COX7B2: variants seen among roughly 807,000 people sequenced by gnomAD.
COX7B2 encodes the protein cytochrome c oxidase subunit 7B2.
For synonymous variants in COX7B2, 37 were observed against 32.1 expected (o/e 1.15, Z -0.51); for missense variants, 109 against 95.9 (o/e 1.14, Z -0.57).
intron 1 of COX7B2, among the ~76,000 whole-genome samples, chr4:46,849,701 T>C (rs980063205): frequency 6.6e-6 from 1 of 152,106 alleles, no homozygotes; most frequent in Non-Finnish European, 1.5e-5. Flanking sequence ...TTTTTTTTTA[T>C]TATACTTTAA....
chr4:46,849,735 G>A (rs927092745), intron 1 of COX7B2, among the ~76,000 whole-genome samples: 10 of 151,912 alleles, frequency 6.6e-5, no homozygotes, highest in African/African-American at 9.7e-5. Flanking sequence ...TGTGCACAAC[G>A]TGCAGGTTAG....
At chr4:46,758,287 G>C (rs375073982) in intron 2 of COX7B2, among the ~76,000 whole-genome samples, 1 of 152,040 alleles carries the variant, frequency 6.6e-6, no homozygotes, top group Non-Finnish European at 1.5e-5. Flanking sequence ...TAAACTGAGA[G>C]GTATAGAGCA....
chr4:46,796,303 TTTTTGCCCATTTATGCAGC>T (rs1718339125), intron 2 of COX7B2, among the ~76,000 whole-genome samples: 1 of 147,868 alleles, frequency 6.8e-6, no homozygotes, highest in East Asian at 2.0e-4. Flanking sequence ...ATGCTTCCAG[TTTTTGCCCATTTATGCAGC>T]CAAAAAACAC....
At chr4:46,755,150 T>A (rs1715704320) in intron 2 of COX7B2, among the ~76,000 whole-genome samples, 1 of 151,974 alleles carries the variant, frequency 6.6e-6, no homozygotes, top group Non-Finnish European at 1.5e-5. Flanking sequence ...TATCAATAAA[T>A]GCTGTACATC....
intron 2 of COX7B2, among the ~76,000 whole-genome samples, chr4:46,748,960 A>C (rs28628293): frequency 0.33 from 49,775 of 152,042 alleles, 8,413 homozygotes; most frequent in South Asian, 0.47. Context: ...ACTTCCAGAG[A>C]AATACAGTAC....
rs115037277 is a variant in COX7B2 at position 46,767,192 on chromosome 4, A to C, written c.-49-31951T>G. On this transcript the variant is annotated intron_variant, in intron 2 of 2. Coordinates refer to ENST00000355591, the MANE Select transcript of COX7B2 (RefSeq NM_130902.3). ...AAGATATTCCACGCAAGTGGCAAAC[A>C]AAAGAAAGTAGGATATATACAGCTG... 1.2e-3 allele frequency among the ~76,000 whole-genome samples: 187 copies of C among 152,338 alleles called. 1 individual carries two copies. The highest frequency in any genetic ancestry group is 4.3e-3 in the African/African-American group (177 of 41,580).
At chr4:46,866,926 C>T (rs1287186708) in intron 1 of COX7B2, among the ~76,000 whole-genome samples, 1 of 152,124 alleles carries the variant, frequency 6.6e-6, no homozygotes, top group Non-Finnish European at 1.5e-5. Flanking sequence ...TAGATACAAC[C>T]AGGGTACTGA....
At chr4:46,883,026 A>T (rs551987505) in intron 1 of COX7B2, among the ~76,000 whole-genome samples, 11 of 152,320 alleles carry the variant, frequency 7.2e-5, no homozygotes, top group African/African-American at 2.6e-4. Flanking sequence ...ATAAGTTAAG[A>T]TTAATTTTTT....
At chr4:46,801,131 T>C (rs1422112189) in intron 2 of COX7B2, among the ~76,000 whole-genome samples, 1 of 152,112 alleles carries the variant, frequency 6.6e-6, no homozygotes, top group African/African-American at 2.4e-5. Context: ...TGTTTATATA[T>C]TCCTGGTGGG....
chr4:46,800,268 C>G (rs1484608192), intron 2 of COX7B2, among the ~76,000 whole-genome samples: 3 of 152,100 alleles, frequency 2.0e-5, no homozygotes, highest in Non-Finnish European at 2.9e-5. Flanking sequence ...AAAAAAACTA[C>G]TCTAAAACTC....
chr4:46,740,961 A>C (rs1314539149), intron 2 of COX7B2, among the ~76,000 whole-genome samples: 1 of 152,056 alleles, frequency 6.6e-6, no homozygotes, highest in Non-Finnish European at 1.5e-5. Flanking sequence ...CCGAATACTG[A>C]AAGGTCAAAG....
chr4:46,907,903 G>C (rs1720503114), intron 1 of COX7B2, among the ~76,000 whole-genome samples: 1 of 135,626 alleles, frequency 7.4e-6, no homozygotes, highest in Non-Finnish European at 1.5e-5. Flanking sequence ...TTCCAGGCTG[G>C]AGTGAAATGA....
intron 2 of COX7B2, among the ~76,000 whole-genome samples, chr4:46,767,808 A>C (rs1716632763): frequency 6.6e-6 from 1 of 152,210 alleles, no homozygotes; most frequent in Non-Finnish European, 1.5e-5. Context: ...ACAACATACC[A>C]AAACTTCTGA....
rs190485134 is a variant in COX7B2, at chr4:46,861,071, G to A, written c.-104-16057C>T. Among the ~76,000 whole-genome samples the A allele has an allele frequency of 7.2e-5, 11 of 152,298 alleles. No individual in the cohort carries two copies. The East Asian group carries it at 2.1e-3, about 29-fold the overall frequency. ...TATCCTTCTAAGATTGCAGATTAGA[G>A]TCCTACCCGAGGGGGTTCATTTATT... is the stretch of plus-strand genomic sequence containing the variant. On this transcript the variant is annotated intron_variant, in intron 1 of 2. Transcript: ENST00000355591.
At chr4:46,744,786 AGGCTGTAGTGCAGTGGCGTAATCTC>A (rs1439239334) in intron 2 of COX7B2, among the ~76,000 whole-genome samples, 1 of 134,044 alleles carries the variant, frequency 7.5e-6, no homozygotes, top group Non-Finnish European at 1.5e-5. Flanking sequence ...TCTGTCACCT[AGGCTGTAGTGCAGTGGCGTAATCTC>A]GGCTCACTGC....
chr4:46,759,430 A>C (rs1376046873), intron 2 of COX7B2, among the ~76,000 whole-genome samples: 1 of 152,112 alleles, frequency 6.6e-6, no homozygotes, highest in Non-Finnish European at 1.5e-5. Flanking sequence ...GAATGGAAGA[A>C]AATTTTTGCA....
chr4:46,903,886 A>G (rs1010538716), intron 1 of COX7B2: 6 of 152,144 alleles, frequency 3.9e-5, no homozygotes, highest in Middle Eastern at 3.2e-3. Context: ...CTAATGATGC[A>G]TTTTTCAGAA....
intron 1 of COX7B2, among the ~76,000 whole-genome samples, chr4:46,907,334 C>T (rs1305792399): frequency 2.6e-5 from 4 of 152,130 alleles, no homozygotes; most frequent in Admixed American, 6.6e-5. Flanking sequence ...CCAGCTCTAA[C>T]TTATTTTATT....
At chr4:46,770,779 G>C (rs376091325) in intron 2 of COX7B2, among the ~76,000 whole-genome samples, 3 of 151,982 alleles carry the variant, frequency 2.0e-5, no homozygotes, top group Non-Finnish European at 4.4e-5. Context: ...CCATATCCAA[G>C]AATATAAAAT....
Sources: allele counts gnomAD v4.1 joint callset (sites outside exome capture counted in the v4.1 genomes callset), GRCh38; gene constraint gnomAD v4.1.1; transcripts MANE v1.5; gene names NCBI Gene and HGNC (gene_info 2026-07-23, HGNC 2026-07-21).